The following KIRREL3 variants were observed in gnomAD, a reference collection of about 807,000 sequenced individuals.
KIRREL3 encodes kin of IRRE-like protein 3.
In KIRREL3, 36 loss-of-function variants were observed where a neutral mutation model predicts 89.7. The ratio of observed to expected loss-of-function variants is 0.40; its 90% CI spans 0.31 to 0.53. KIRREL3 has a LOEUF of 0.53. KIRREL3 is among the 20% of genes least tolerant of loss of function. The pLI is 0.49. For missense variants in KIRREL3, 864 were observed against 1,056.6 expected, an observed-to-expected ratio of 0.82 and a Z score of 2.53; for synonymous variants, 445 against 441.4, an observed-to-expected ratio of 1.01 and a Z score of -0.10.
At chr11:126,882,168 C>T (rs1041106145) in intron 1 of KIRREL3, among the ~76,000 whole-genome samples, 3 of 152,184 alleles carry the variant, frequency 2.0e-5, no homozygotes, top group South Asian at 2.1e-4. Flanking sequence ...TCTCTGAGAA[C>T]ACTTTTCACT....
chr11:126,434,784 G>A (rs1159940259), intron 13 of KIRREL3, among the ~76,000 whole-genome samples: 1 of 152,216 alleles, frequency 6.6e-6, no homozygotes, highest in Non-Finnish European at 1.5e-5. Flanking sequence ...GCAGGAGTAG[G>A]GAGGGGTGGC....
rs1329406097 is a variant in KIRREL3 at position 126,607,907 on chromosome 11, T to A, written c.56-44995A>T. On this transcript the variant is annotated intron_variant, in intron 1 of 16. Transcript: ENST00000525144. The surrounding 1 kb of genome is among the most constrained non-coding windows in gnomAD (Gnocchi z 6.6). ...ACTGGGTCAGCTCTGCAGCTGCAAGTCTGGGGAAAAGGGATCCACCCAGGC... is the reference window on the plus strand; with the variant it reads ...ACTGGGTCAGCTCTGCAGCTGCAAGACTGGGGAAAAGGGATCCACCCAGGC... Among the ~76,000 whole-genome samples the A allele has an allele frequency of 6.6e-6, 1 of 152,120 alleles. No homozygotes were observed.
chr11:126,827,524 G>C (rs942259603), intron 1 of KIRREL3, among the ~76,000 whole-genome samples: 3 of 152,116 alleles, frequency 2.0e-5, no homozygotes, highest in Admixed American at 1.3e-4. Context: ...GATTACCTTA[G>C]AGAATGATAA....
rs1591673427 is a variant in KIRREL3 at position 126,522,288 on chromosome 11, GAGAGAGAAGGAAGGAAAAAGA to G, written c.284-845_284-825del. Reference sequence around the variant, plus strand: ...GAGAATTACAGAGAGAAGACAGTCAGAGAGAGAAGGAAGGAAAAAGAGAAATGTTTGGAAAAGGATCAAGAG... The same window carrying G: ...GAGAATTACAGAGAGAAGACAGTCAGGAAATGTTTGGAAAAGGATCAAGAG... On this transcript the variant is annotated intron_variant, in intron 3 of 16. Coordinates refer to ENST00000525144, the MANE Select transcript of KIRREL3 (RefSeq NM_032531.4). The surrounding 1 kb of genome is among the most constrained non-coding windows in gnomAD (Gnocchi z 6.0). Among the ~76,000 whole-genome samples, 2 of 152,114 alleles carry G rather than the reference GAGAGAGAAGGAAGGAAAAAGA, an allele frequency of 1.3e-5. No individual in the cohort carries two copies. Among genetic ancestry groups the G allele is most frequent in the East Asian group, 3.9e-4 (2 of 5,186 alleles).
At position 126,898,025 on chromosome 11, in the gene KIRREL3, C is replaced by T. The variant is rs1431847380; in HGVS notation, c.55+102430G>A. ...TGAATTCCTACAGAATCTTAGCAGT[C>T]ATTGTGTGGCCTGGAGCTCACATGG... is the stretch of plus-strand genomic sequence containing the variant. On this transcript the variant is annotated intron_variant, in intron 1 of 16. Transcript: ENST00000525144. This position sits in a 1 kb window ranked among gnomAD's most constrained non-coding sequence, Gnocchi z 4.9. Among the ~76,000 whole-genome samples, 2 of 152,130 alleles carry T rather than the reference C, an allele frequency of 1.3e-5. No individual in the cohort carries two copies. Among genetic ancestry groups the T allele is most frequent in the Non-Finnish European group, 2.9e-5 (2 of 68,028 alleles).
intron 1 of KIRREL3, among the ~76,000 whole-genome samples, chr11:126,727,447 C>G (rs115066035): frequency 0.013 from 1,971 of 152,332 alleles, 43 homozygotes; most frequent in African/African-American, 0.042. Flanking sequence ...CACAGTGGTC[C>G]CCTGGCTTAG....
chr11:126,747,984 C>A lies in KIRREL3; in HGVS notation c.56-185072G>T, dbSNP rs908913149. Among the ~76,000 whole-genome samples, 1 of 152,214 alleles carries A rather than the reference C, an allele frequency of 6.6e-6. No individual in the cohort carries two copies. Among genetic ancestry groups the A allele is most frequent in the African/African-American group, 2.4e-5 (1 of 41,448 alleles). ...TGCTCTACTCTTTCTCAGTCTCCAT[C>A]TGACCCGTGCCTAGCATCGTGGCCC... On this transcript the variant is annotated intron_variant, in intron 1 of 16. Transcript: ENST00000525144. The surrounding 1 kb of genome is among the most constrained non-coding windows in gnomAD (Gnocchi z 4.7).
rs1949446461 is a variant in KIRREL3, at chr11:126,755,064, A to G, written c.56-192152T>C. ...ACCCAGATAAGAGTATCTTAATCAAATAAAAAAAGCATTAGGCTTTAATCT... is the reference window on the plus strand; with the variant it reads ...ACCCAGATAAGAGTATCTTAATCAAGTAAAAAAAGCATTAGGCTTTAATCT... On this transcript the variant is annotated intron_variant, in intron 1 of 16. Coordinates refer to ENST00000525144, the MANE Select transcript of KIRREL3 (RefSeq NM_032531.4). The surrounding 1 kb of genome is among the most constrained non-coding windows in gnomAD (Gnocchi z 4.3). Among the ~76,000 whole-genome samples the G allele has an allele frequency of 6.6e-6, 1 of 152,194 alleles. No homozygotes were observed. Among genetic ancestry groups the G allele is most frequent in the African/African-American group, 2.4e-5 (1 of 41,434 alleles).
At position 126,704,288 on chromosome 11, in the gene KIRREL3, G is replaced by T. The variant is rs1947429166; in HGVS notation, c.56-141376C>A. The stretch of plus-strand genomic sequence containing the variant: ...CAGCTGTTCCCCTTAACTGCAGAAT[G>T]AAGTGAGCACAGCAGCACAGAACAA... On this transcript the variant is annotated intron_variant, in intron 1 of 16. Coordinates refer to ENST00000525144, the MANE Select transcript of KIRREL3 (RefSeq NM_032531.4). The surrounding 1 kb of genome is among the most constrained non-coding windows in gnomAD (Gnocchi z 4.2). Among the ~76,000 whole-genome samples, 2 of 152,206 alleles carry T rather than the reference G, an allele frequency of 1.3e-5. No homozygotes were observed. Among genetic ancestry groups the T allele is most frequent in the African/African-American group, 4.8e-5 (2 of 41,454 alleles).
intron 1 of KIRREL3, among the ~76,000 whole-genome samples, chr11:126,618,443 T>A (rs1943443722): frequency 6.6e-6 from 1 of 152,196 alleles, no homozygotes; most frequent in Non-Finnish European, 1.5e-5. Context: ...TTTTTTTTGT[T>A]TTTAGACAGA....
chr11:126,931,615 A>T lies in KIRREL3; in HGVS notation c.55+68840T>A, dbSNP rs1811789224. The stretch of plus-strand genomic sequence containing the variant: ...TGTCCAAATCTACTTTCTAGTAGCA[A>T]GTATAAGAATGAGGATTCCAAGTCC... On this transcript the variant is annotated intron_variant, in intron 1 of 16. Transcript: ENST00000525144. The surrounding 1 kb of genome is among the most constrained non-coding windows in gnomAD (Gnocchi z 5.1). Among the ~76,000 whole-genome samples, 1 of 152,242 alleles carries T rather than the reference A, an allele frequency of 6.6e-6. No homozygotes were observed. Among genetic ancestry groups the T allele is most frequent in the Non-Finnish European group, 1.5e-5 (1 of 68,056 alleles).
intron 1 of KIRREL3, among the ~76,000 whole-genome samples, chr11:126,923,758 G>A (rs1489049308): frequency 3.3e-5 from 5 of 152,016 alleles, no homozygotes; most frequent in African/African-American, 1.2e-4. Flanking sequence ...TACTTCTTAC[G>A]TGATGGTCTA....
At chr11:126,784,019 T>A (rs761057106) in intron 1 of KIRREL3, among the ~76,000 whole-genome samples, 14 of 152,056 alleles carry the variant, frequency 9.2e-5, no homozygotes, top group Non-Finnish European at 1.8e-4. Context: ...CAAATCCCCA[T>A]CGAGGGACAC....
rs1405504320 is a variant in KIRREL3, at chr11:126,970,587, T to A, written c.55+29868A>T. Among the ~76,000 whole-genome samples the A allele has an allele frequency of 6.6e-6, 1 of 152,214 alleles. No homozygotes were observed. Among genetic ancestry groups the A allele is most frequent in the African/African-American group, 2.4e-5 (1 of 41,444 alleles). ...AAGGAAATCTGATTTTTATTAAGTA[T>A]CAAATCACAGAACACGTTTGCTTTT... On this transcript the variant is annotated intron_variant, in intron 1 of 16. Coordinates refer to ENST00000525144, the MANE Select transcript of KIRREL3 (RefSeq NM_032531.4). This position sits in a 1 kb window ranked among gnomAD's most constrained non-coding sequence, Gnocchi z 4.4.
intron 1 of KIRREL3, among the ~76,000 whole-genome samples, chr11:126,971,734 C>T (rs1175739673): frequency 6.6e-6 from 1 of 152,160 alleles, no homozygotes; most frequent in Non-Finnish European, 1.5e-5. Flanking sequence ...GAAGACGGTC[C>T]TCTGAATCTT....
At chr11:126,933,779 G>GGA (rs1555096123) in intron 1 of KIRREL3, among the ~76,000 whole-genome samples, 14 of 147,034 alleles carry the variant, frequency 9.5e-5, no homozygotes, top group African/African-American at 3.5e-4. Context: ...CACCAAAAAG[G>GGA]AAAAAAAAAA....
chr11:126,863,224 G>C (rs982494476), intron 1 of KIRREL3, among the ~76,000 whole-genome samples: 22 of 152,356 alleles, frequency 1.4e-4, no homozygotes, highest in African/African-American at 5.1e-4. Context: ...GGGAAGACTG[G>C]AGGACTGCTC....
intron 1 of KIRREL3, among the ~76,000 whole-genome samples, chr11:126,648,401 C>T (rs965306394): frequency 6.6e-6 from 1 of 152,182 alleles, no homozygotes; most frequent in Non-Finnish European, 1.5e-5. Flanking sequence ...CTGGGATGTC[C>T]TGTCCTCGGT....
chr11:126,718,629 A>G (rs890622823), intron 1 of KIRREL3, among the ~76,000 whole-genome samples: 1 of 152,250 alleles, frequency 6.6e-6, no homozygotes, highest in African/African-American at 2.4e-5. Flanking sequence ...GCTTTAACTT[A>G]TTAAGGATAA....
Sources: allele counts gnomAD v4.1 joint callset (sites outside exome capture counted in the v4.1 genomes callset), GRCh38; gene constraint gnomAD v4.1.1; non-coding constraint Gnocchi (gnomAD v3.1); transcripts MANE v1.5; gene names NCBI Gene and HGNC (gene_info 2026-07-23, HGNC 2026-07-21).